ABLIM1: variants seen among roughly 807,000 people sequenced by gnomAD.
The protein encoded by ABLIM1 is actin binding LIM protein 1, also known as actin-binding LIM protein 1.
ABLIM1 carries 40 observed loss-of-function variants against 107.0 expected under a neutral mutation model. The ratio of observed to expected loss-of-function variants is 0.37; its 90% CI spans 0.29 to 0.49. ABLIM1 has a LOEUF of 0.49. Ranked by LOEUF, ABLIM1 falls within the 20% of genes least tolerant of loss-of-function variation. ABLIM1 has a pLI of 0.97. For synonymous variants in ABLIM1, 357 were observed against 357.3 expected (o/e 1.00, Z 0.01); for missense variants, 857 against 1,008.5 (o/e 0.85, Z 2.04).
intron 12 of ABLIM1, among the ~76,000 whole-genome samples, chr10:114,460,717 G>C (rs557854153): frequency 6.6e-6 from 1 of 152,208 alleles, no homozygotes; most frequent in Non-Finnish European, 1.5e-5. Flanking sequence ...TTATAGAGGA[G>C]TCAAGTGACA....
chr10:114,583,462 CACACACATATATATATATAT>C (rs1180670666), intron 2 of ABLIM1, among the ~76,000 whole-genome samples: 20 of 9,066 alleles, frequency 2.2e-3, no homozygotes, highest in African/African-American at 3.6e-3. Context: ...CACACACACA[CACACACATATATATATATAT>C]ATATATATAT....
chr10:114,760,839 T>C (rs2082730376), intron 1 of ABLIM1, among the ~76,000 whole-genome samples: 1 of 152,242 alleles, frequency 6.6e-6, no homozygotes, highest in South Asian at 2.1e-4. Context: ...AAAAGAAATC[T>C]GTTTATTGAA....
chr10:114,585,611 T>G (rs528661322), intron 2 of ABLIM1, among the ~76,000 whole-genome samples: 3 of 152,262 alleles, frequency 2.0e-5, no homozygotes, highest in South Asian at 2.1e-4. Flanking sequence ...TGATCTTGCA[T>G]GTAAGCCCCC....
intron 1 of ABLIM1, among the ~76,000 whole-genome samples, chr10:114,767,308 T>C (rs2082919152): frequency 3.9e-5 from 6 of 152,214 alleles, no homozygotes; most frequent in Admixed American, 3.9e-4. Flanking sequence ...ATATTTTCTT[T>C]AAATGCTTAC....
chr10:114,699,607 A>G (rs182753830), intron 1 of ABLIM1, among the ~76,000 whole-genome samples: 1 of 152,280 alleles, frequency 6.6e-6, no homozygotes, highest in East Asian at 1.9e-4. Flanking sequence ...AGAGTCAGAT[A>G]AAAAATAGCA....
intron 1 of ABLIM1, among the ~76,000 whole-genome samples, chr10:114,755,214 T>C (rs1442203273): frequency 6.6e-6 from 1 of 152,158 alleles, no homozygotes; most frequent in Admixed American, 6.5e-5. Flanking sequence ...CCGTGAACTG[T>C]GCATGCGAAG....
Position 114,707,897 on chromosome 10 carries a change from G to A in ABLIM1, c.-213+60164C>T, listed in dbSNP as rs559844526. On this transcript the variant is annotated intron_variant, in intron 1 of 15. Transcript: ENST00000651092. This position sits in a 1 kb window ranked among gnomAD's most constrained non-coding sequence, Gnocchi z 4.1. The stretch of plus-strand genomic sequence containing the variant: ...GCCTGGGCGACAAGAGCAAAACTCC[G>A]TCTCAAAACAAACAAACAAACAAAC... 7.3e-5 allele frequency among the ~76,000 whole-genome samples: 11 copies of A among 151,182 alleles called. No individual in the cohort carries two copies. Among genetic ancestry groups the A allele is most frequent in the East Asian group, 5.8e-4 (3 of 5,140 alleles).
In ABLIM1 at chr10:114,616,016, C is replaced by T. The variant is rs182252707; in HGVS notation, c.245-14055G>A. Among the ~76,000 whole-genome samples the T allele has an allele frequency of 7.2e-5, 11 of 152,180 alleles. No homozygotes were observed. In the East Asian group the frequency reaches 2.1e-3, roughly 29 times the overall value. ...ACAGGACATGATGAGTAGTGTTCTACTCATATTTATTTATTTTTTATCAAA... is the reference window on the plus strand; with the variant it reads ...ACAGGACATGATGAGTAGTGTTCTATTCATATTTATTTATTTTTTATCAAA... On this transcript the variant is annotated intron_variant, in intron 1 of 22. Coordinates refer to ENST00000533213, the MANE Select transcript of ABLIM1 (RefSeq NM_002313.7).
At chr10:114,472,017 A>G (rs554008998) in intron 10 of ABLIM1, among the ~76,000 whole-genome samples, 2 of 152,116 alleles carry the variant, frequency 1.3e-5, no homozygotes, top group East Asian at 3.9e-4. Flanking sequence ...GAGGACCCCA[A>G]GGGGCTGAGA....
At chr10:114,761,669 C>T (rs2082749473) in intron 1 of ABLIM1, among the ~76,000 whole-genome samples, 1 of 152,136 alleles carries the variant, frequency 6.6e-6, no homozygotes, top group Non-Finnish European at 1.5e-5. Context: ...ACCCTACATC[C>T]TCAGCCTTTC....
chr10:114,480,217 A>C (rs2057126287), intron 8 of ABLIM1, among the ~76,000 whole-genome samples: 1 of 152,260 alleles, frequency 6.6e-6, no homozygotes, highest in Non-Finnish European at 1.5e-5. Context: ...TCAGATGTCC[A>C]GGGTAACAAC....
chr10:114,500,683 GAA>G (rs71007473), intron 6 of ABLIM1, among the ~76,000 whole-genome samples: 13 of 52,530 alleles, frequency 2.5e-4, no homozygotes, highest in African/African-American at 7.8e-4. Context: ...TGTGTCGAAA[GAA>G]AAAAAAAAAA....
At chr10:114,767,826 A>G (rs150906278) in intron 1 of ABLIM1, among the ~76,000 whole-genome samples, 2,191 of 152,208 alleles carry the variant, frequency 0.014, 54 homozygotes, top group African/African-American at 0.05. Flanking sequence ...CGCGGCGGGC[A>G]CAGGTGAGCG....
chr10:114,450,023 T>C, intron 14 of ABLIM1: 1 of 265,646 alleles, frequency 3.8e-6, no homozygotes, highest in Non-Finnish European at 8.0e-6. Context: ...TTGATTATTT[T>C]TGTTCAGAGA....
Position 114,487,966 on chromosome 10 carries a change from T to C in ABLIM1, c.1033A>G (p.Lys345Glu). ...TTTAATTGTGTCCTTACCCGCAGCT[T>C]TTCCTCGGTCTTCGTAGATTGCTTA... ...DCKQSTKTEE[K>E]LRPTRTSSES... The change falls in exon 8 of 23, where the codon AAG (lysine) becomes GAG (glutamate). Residue 345 changes from lysine to glutamate, a missense_variant. Physicochemically the swap from Lys to Glu is moderately conservative, Grantham distance 56. Coordinates refer to ENST00000533213, the MANE Select transcript of ABLIM1 (RefSeq NM_002313.7). The C allele has an allele frequency of 6.2e-7, 1 of 1,614,206 alleles. No homozygotes were observed. Among genetic ancestry groups the C allele is most frequent in the Non-Finnish European group, 8.5e-7 (1 of 1,180,024 alleles).
intron 1 of ABLIM1, among the ~76,000 whole-genome samples, chr10:114,657,315 T>C (rs926268689): frequency 7.2e-5 from 11 of 152,162 alleles, no homozygotes; most frequent in African/African-American, 2.7e-4. Context: ...GGTATCATCT[T>C]CATTAACAAA....
At chr10:114,445,480 C>CATGA in intron 15 of ABLIM1, 77 bp from the exon 16 acceptor site, 1 of 1,291,388 alleles carries the variant, frequency 7.7e-7, no homozygotes, top group Non-Finnish European at 1.1e-6. Context: ...CATCTGTGTT[C>CATGA]AGTTTGTTAG....
intron 6 of ABLIM1, among the ~76,000 whole-genome samples, chr10:114,527,722 C>T (rs1161384330): frequency 6.9e-6 from 1 of 145,560 alleles, no homozygotes; most frequent in Non-Finnish European, 1.5e-5. Context: ...GTGGCACGAT[C>T]ATAGCGCAAT....
the ABLIM1 span, among the ~76,000 whole-genome samples, chr10:114,800,670 T>C: frequency 6.6e-6 from 1 of 152,170 alleles, no homozygotes; most frequent in Admixed American, 6.5e-5. Flanking sequence ...CCCAGCACTC[T>C]GGGAGGCCAA....
Sources: allele counts gnomAD v4.1 joint callset (sites outside exome capture counted in the v4.1 genomes callset), GRCh38; gene constraint gnomAD v4.1.1; non-coding constraint Gnocchi (gnomAD v3.1); transcripts MANE v1.5; gene names NCBI Gene and HGNC (gene_info 2026-07-23, HGNC 2026-07-21).